CDYL: variants seen among roughly 807,000 people sequenced by gnomAD.
CDYL encodes chromodomain Y-like protein.
Under a neutral mutation model 47.3 loss-of-function variants are expected in CDYL, and 8 were observed. The observed-to-expected ratio is 0.17, with a 90% confidence interval of 0.10 to 0.31. The LOEUF is 0.31. Ranked by LOEUF, CDYL falls within the 10% of genes least tolerant of loss-of-function variation. CDYL has a pLI of 1.00. For synonymous variants in CDYL, 266 were observed against 265.0 expected, an observed-to-expected ratio of 1.00 and a Z score of -0.04; for missense variants, 471 against 701.4, an observed-to-expected ratio of 0.67 and a Z score of 3.71.
chr6:4,952,506 C>T (rs891272694), intron 6 of CDYL, 97 bp downstream of exon 6: 227 of 1,360,704 alleles, frequency 1.7e-4, no homozygotes, highest in Non-Finnish European at 2.0e-4. Flanking sequence ...AAGTCCTTTA[C>T]GTTTGTCCTC....
At chr6:4,889,507 G>A (rs2127482627) in intron 1 of CDYL, among the ~76,000 whole-genome samples, 1 of 152,222 alleles carries the variant, frequency 6.6e-6, no homozygotes, top group African/African-American at 2.4e-5. Flanking sequence ...ACAGGCGTGA[G>A]CCACCGTGCC....
chr6:4,938,652 C>T (rs545264359), intron 4 of CDYL, among the ~76,000 whole-genome samples: 17 of 152,266 alleles, frequency 1.1e-4, no homozygotes, highest in Admixed American at 1.0e-3. Flanking sequence ...ACTGTGGTCA[C>T]CATGATGTAC....
At chr6:4,798,282 T>C (rs1198557583) in intron 1 of CDYL, among the ~76,000 whole-genome samples, 1 of 152,192 alleles carries the variant, frequency 6.6e-6, no homozygotes, top group Admixed American at 6.5e-5. Context: ...CAGACATCTT[T>C]TAATAATTAT....
intron 2 of CDYL, among the ~76,000 whole-genome samples, chr6:4,911,996 CT>C (rs1421459576): frequency 6.6e-6 from 1 of 152,202 alleles, no homozygotes; most frequent in Non-Finnish European, 1.5e-5. Flanking sequence ...TTGCTGTTGT[CT>C]TTTCTCCTGA....
chr6:4,787,957 A>T (rs938722773), intron 1 of CDYL, among the ~76,000 whole-genome samples: 1 of 151,708 alleles, frequency 6.6e-6, no homozygotes, highest in African/African-American at 2.4e-5. Context: ...TTTTTAGTAG[A>T]GACAAGGATT....
intron 1 of CDYL, among the ~76,000 whole-genome samples, chr6:4,807,620 T>G (rs940561104): frequency 0.016 from 930 of 59,784 alleles, 16 homozygotes; most frequent in African/African-American, 0.055. Flanking sequence ...TTTTTTTTTT[T>G]GGAGATAGGC....
chr6:4,926,036 G>A (rs896960321), intron 2 of CDYL, among the ~76,000 whole-genome samples: 1 of 152,108 alleles, frequency 6.6e-6, no homozygotes, highest in African/African-American at 2.4e-5. Flanking sequence ...CCTAACCACC[G>A]AGTTTTTTAT....
chr6:4,758,351 A>AATAAATAAATATATATATATATAT (rs1554134097), intron 3 of CDYL, among the ~76,000 whole-genome samples: 5 of 129,070 alleles, frequency 3.9e-5, no homozygotes, highest in Admixed American at 7.9e-5. Context: ...AAAATAAATA[A>AATAAATAAATATATATATATATAT]ATATATATAT....
At chr6:4,829,575 C>T (rs190483199) in intron 1 of CDYL, among the ~76,000 whole-genome samples, 1 of 152,276 alleles carries the variant, frequency 6.6e-6, no homozygotes, top group African/African-American at 2.4e-5. Flanking sequence ...CCCTTACACC[C>T]ACATGCTTTA....
intron 2 of CDYL, among the ~76,000 whole-genome samples, chr6:4,723,678 TTGA>T (rs1221546618): frequency 7.9e-5 from 12 of 152,124 alleles, no homozygotes; most frequent in Admixed American, 1.3e-4. Context: ...AGGGGGCTTG[TTGA>T]TGGAGTCCTC....
chr6:4,931,037 A>C (rs540698977), intron 2 of CDYL, among the ~76,000 whole-genome samples: 1 of 152,072 alleles, frequency 6.6e-6, no homozygotes, highest in African/African-American at 2.4e-5. Context: ...TGAAGTGTGG[A>C]GCTTACCATC....
At chr6:4,888,291 C>T (rs1761952392) in intron 1 of CDYL, among the ~76,000 whole-genome samples, 1 of 152,020 alleles carries the variant, frequency 6.6e-6, no homozygotes, top group Admixed American at 6.6e-5. Flanking sequence ...GTGAAGCTAT[C>T]TAATCCTATG....
intron 2 of CDYL, among the ~76,000 whole-genome samples, chr6:4,905,468 G>A (rs538075718): frequency 1.5e-4 from 23 of 152,316 alleles, no homozygotes; most frequent in African/African-American, 5.3e-4. Context: ...CCACATTTCA[G>A]CGTCTTTTCT....
intron 2 of CDYL, chr6:4,718,714 GTTGA>G (rs1417209666): frequency 6.6e-6 from 1 of 152,170 alleles, no homozygotes; most frequent in African/African-American, 2.4e-5. Context: ...ATATTTGTGT[GTTGA>G]TTCTTTTATT....
At chr6:4,762,645 CAAA>C (rs1173404314) in intron 3 of CDYL, among the ~76,000 whole-genome samples, 1,054 of 39,586 alleles carry the variant, frequency 0.027, 8 homozygotes, top group African/African-American at 0.073. Flanking sequence ...TAAAGGGTAC[CAAA>C]AAAAAAAAAA....
intron 1 of CDYL, among the ~76,000 whole-genome samples, chr6:4,711,234 T>C (rs1156699650): frequency 6.6e-6 from 1 of 152,144 alleles, no homozygotes; most frequent in African/African-American, 2.4e-5. Context: ...GCTAATGGAA[T>C]GCTTTTTCCA....
rs1758460768 is a variant in CDYL, at chr6:4,776,667, G to C, written c.-117G>C. On this transcript the variant is annotated 5_prime_UTR_variant, in exon 1 of 7. Transcript: ENST00000397588. ...GCTCGTCCGTGCCCAGCGCCCGGCC[G>C]GCCGCGGGAGCAGGAAGCGCAGGCC... 1.1e-6 allele frequency: 1 copy of C among 931,416 alleles called. No homozygotes were observed. The highest frequency in any genetic ancestry group is 1.4e-6 in the Non-Finnish European group (1 of 706,340). 57.7% of individuals were successfully genotyped at this position (931,416 alleles called of 1,614,324 possible). A position where few individuals can be genotyped will look rare whatever the true frequency, so the allele number is the denominator to read the frequency against.
At chr6:4,864,654 T>C (rs550254123) in intron 1 of CDYL, among the ~76,000 whole-genome samples, 13 of 152,272 alleles carry the variant, frequency 8.5e-5, no homozygotes, top group African/African-American at 3.1e-4. Context: ...ACTGAATAAG[T>C]CTCACAAGAT....
chr6:4,940,119 T>C (rs191606682), intron 4 of CDYL, among the ~76,000 whole-genome samples: 1 of 151,266 alleles, frequency 6.6e-6, no homozygotes, highest in Admixed American at 6.6e-5. Flanking sequence ...TCTCCTTTGT[T>C]GAACTTGATG....
Sources: gnomAD v4.1 joint callset for allele counts (sites outside exome capture counted in the v4.1 genomes callset) on GRCh38, gnomAD v4.1.1 for gene constraint, MANE v1.5 for transcripts, NCBI Gene and HGNC (gene_info 2026-07-23, HGNC 2026-07-21) for gene names.